Variants in MMP16 observed in about 807,000 individuals in gnomAD.
MMP16 encodes matrix metallopeptidase 16, also known as matrix metalloproteinase-16.
MMP16 carries 12 observed loss-of-function variants against 67.8 expected under a neutral mutation model. The ratio of observed to expected loss-of-function variants is 0.18; its 90% CI spans 0.11 to 0.29. MMP16 has a LOEUF of 0.29. Among genes scored for constraint, MMP16 ranks in the 10% least tolerant of loss-of-function variants. MMP16 has a pLI of 1.00. For missense variants in MMP16, 475 were observed against 765.7 expected, an observed-to-expected ratio of 0.62 and a Z score of 4.48; for synonymous variants, 249 against 255.9, an observed-to-expected ratio of 0.97 and a Z score of 0.26.
intron 1 of MMP16, among the ~76,000 whole-genome samples, chr8:88,232,715 A>G (rs1037336288): frequency 6.6e-6 from 1 of 152,182 alleles, no homozygotes; most frequent in African/African-American, 2.4e-5. Context: ...AGCAACACCT[A>G]TCCTGCACAG....
chr8:88,055,152 C>T (rs1010729779), intron 8 of MMP16, among the ~76,000 whole-genome samples: 6 of 151,984 alleles, frequency 3.9e-5, no homozygotes, highest in African/African-American at 1.4e-4. Flanking sequence ...TATCTGTTAA[C>T]AAATGGGCAG....
intron 1 of MMP16, among the ~76,000 whole-genome samples, chr8:88,209,381 A>G (rs1809478584): frequency 6.6e-6 from 1 of 152,178 alleles, no homozygotes; most frequent in Non-Finnish European, 1.5e-5. Context: ...GATTTTCTTA[A>G]TAACATTTTC....
At chr8:88,188,654 A>ATTTTT (rs1296976552) in intron 2 of MMP16, among the ~76,000 whole-genome samples, 1 of 141,340 alleles carries the variant, frequency 7.1e-6, no homozygotes, top group African/African-American at 2.6e-5. Flanking sequence ...CAAAGAACAG[A>ATTTTT]TTTTTTTTTT....
chr8:88,239,627 G>A (rs1810003449), intron 1 of MMP16, among the ~76,000 whole-genome samples: 1 of 151,766 alleles, frequency 6.6e-6, no homozygotes, highest in Non-Finnish European at 1.5e-5. Flanking sequence ...ACCTTTACAT[G>A]ACTACTAAAA....
intron 2 of MMP16, among the ~76,000 whole-genome samples, chr8:88,193,792 G>A (rs1809207943): frequency 6.6e-6 from 1 of 151,820 alleles, no homozygotes; most frequent in South Asian, 2.1e-4. Context: ...GCATGCCACT[G>A]TACACATATA....
At position 88,273,039 on chromosome 8, in the gene MMP16, A is replaced by G. The variant is rs537011680; in HGVS notation, c.132+54036T>C. Among the ~76,000 whole-genome samples the G allele has an allele frequency of 7.2e-5, 11 of 152,204 alleles. No individual in the cohort carries two copies. The South Asian group carries it at 2.3e-3, about 32-fold the overall frequency. On this transcript the variant is annotated intron_variant, in intron 1 of 9. Transcript: ENST00000286614. The stretch of plus-strand genomic sequence containing the variant: ...AAAAAGAAAAACAAAAAAAAAGAAA[A>G]AAAAAAAGGTATCCTTCTTGCTTTG...
rs574121056 is a variant in MMP16, at chr8:88,313,355, A to AT, written c.132+13719dup. On this transcript the variant is annotated intron_variant, in intron 1 of 9. Transcript: ENST00000286614. ...TATGTACAGAATCTTAGGTTGAGAGATTTTTTTCCTTTCTGTATTTTCAGG... is the reference window on the plus strand; with the variant it reads ...TATGTACAGAATCTTAGGTTGAGAGATTTTTTTTCCTTTCTGTATTTTCAGG... Among the ~76,000 whole-genome samples, 5 of 152,074 alleles carry AT rather than the reference A, an allele frequency of 3.3e-5. No homozygotes were observed. In the East Asian group the frequency reaches 5.8e-4, roughly 18 times the overall value.
chr8:88,197,036 C>T, intron 2 of MMP16, 122 bp downstream of exon 2: 1 of 908,318 alleles, frequency 1.1e-6, no homozygotes, highest in Non-Finnish European at 1.6e-6. Context: ...TTATATAATT[C>T]CAAAGAAAGT....
At chr8:88,118,470 T>C (rs1020504563) in intron 5 of MMP16, among the ~76,000 whole-genome samples, 1 of 152,038 alleles carries the variant, frequency 6.6e-6, no homozygotes, top group Admixed American at 6.6e-5. Flanking sequence ...ACTCAGTAAG[T>C]AAGAAAATTT....
chr8:88,301,186 C>T (rs963533481), intron 1 of MMP16, among the ~76,000 whole-genome samples: 1 of 152,082 alleles, frequency 6.6e-6, no homozygotes, highest in Admixed American at 6.6e-5. Flanking sequence ...TACAAATATT[C>T]TTCATAGCAA....
intron 1 of MMP16, among the ~76,000 whole-genome samples, chr8:88,274,680 G>C (rs972473525): frequency 2.6e-5 from 4 of 151,996 alleles, no homozygotes; most frequent in African/African-American, 9.7e-5. Context: ...ATTAACTTCT[G>C]TGTCTGTGGA....
chr8:88,137,157 T>C (rs1808133697), intron 4 of MMP16, among the ~76,000 whole-genome samples: 2 of 151,912 alleles, frequency 1.3e-5, no homozygotes, highest in South Asian at 2.1e-4. Context: ...CATACGCTTA[T>C]TTGTATACTC....
intron 4 of MMP16, among the ~76,000 whole-genome samples, chr8:88,153,505 T>C (rs2129653025): frequency 6.6e-6 from 1 of 152,200 alleles, no homozygotes; most frequent in East Asian, 1.9e-4. Context: ...ATGGTACTGG[T>C]ACCAAAACAG....
intron 1 of MMP16, among the ~76,000 whole-genome samples, chr8:88,280,548 C>T (rs1284991564): frequency 3.3e-5 from 5 of 152,196 alleles, no homozygotes; most frequent in Non-Finnish European, 5.9e-5. Flanking sequence ...ATTATATACA[C>T]AGACAGATGA....
At chr8:88,148,287 T>C (rs918076363) in intron 4 of MMP16, among the ~76,000 whole-genome samples, 3 of 152,224 alleles carry the variant, frequency 2.0e-5, no homozygotes, top group Non-Finnish European at 2.9e-5. Context: ...ATATTATGTA[T>C]CTTAATTTCA....
chr8:88,151,990 G>C (rs2129648343), intron 4 of MMP16, among the ~76,000 whole-genome samples: 1 of 83,472 alleles, frequency 1.2e-5, no homozygotes, highest in South Asian at 5.1e-4. Context: ...GAAAAAAAGA[G>C]AGAAGAATCA....
chr8:88,110,769 T>C (rs1229259994), intron 6 of MMP16, among the ~76,000 whole-genome samples: 1 of 151,654 alleles, frequency 6.6e-6, no homozygotes, highest in Non-Finnish European at 1.5e-5. Flanking sequence ...ATTATGGCCA[T>C]ATACTATAAT....
intron 7 of MMP16, among the ~76,000 whole-genome samples, chr8:88,068,827 G>A (rs987890029): frequency 2.3e-4 from 35 of 151,998 alleles, no homozygotes; most frequent in African/African-American, 7.0e-4. Context: ...TCAGCCTCCC[G>A]AGTGGCTGGG....
chr8:88,228,262 G>T (rs1809801915), intron 1 of MMP16, among the ~76,000 whole-genome samples: 1 of 151,966 alleles, frequency 6.6e-6, no homozygotes, highest in Non-Finnish European at 1.5e-5. Context: ...GCACTTCTAG[G>T]AGATTATTAT....
Sources: allele counts gnomAD v4.1 joint callset (sites outside exome capture counted in the v4.1 genomes callset), GRCh38; gene constraint gnomAD v4.1.1; transcripts MANE v1.5; gene names NCBI Gene and HGNC (gene_info 2026-07-23, HGNC 2026-07-21).